MYO16: variants seen among roughly 807,000 people sequenced by gnomAD.
MYO16 encodes the protein unconventional myosin-XVI.
Under a neutral mutation model 205.3 loss-of-function variants are expected in MYO16, and 94 were observed. The observed-to-expected ratio is 0.46, with a 90% CI of 0.39 to 0.54. The LOEUF is 0.54. Among genes scored for constraint, MYO16 ranks in the 20% least tolerant of loss-of-function variants. MYO16 has a pLI of 0.00. For synonymous variants in MYO16, 988 were observed against 954.0 expected (o/e 1.04, Z -0.66); for missense variants, 2,315 against 2,387.5 (o/e 0.97, Z 0.63).
chr13:108,860,159 C>G (rs921139103), intron 11 of MYO16, among the ~76,000 whole-genome samples: 1 of 147,176 alleles, frequency 6.8e-6, no homozygotes, highest in African/African-American at 2.4e-5. Context: ...TCCTCTCCCC[C>G]ATTCCAGCCT....
At chr13:109,023,091 AAT>A (rs201446808) in intron 23 of MYO16, among the ~76,000 whole-genome samples, 2,190 of 132,756 alleles carry the variant, frequency 0.016, 63 homozygotes, top group African/African-American at 0.058. Context: ...TACACATGTA[AAT>A]ATGTTTATAT....
chr13:108,506,855 G>C, the MYO16 span, among the ~76,000 whole-genome samples: 1 of 151,996 alleles, frequency 6.6e-6, no homozygotes, highest in South Asian at 2.1e-4. Flanking sequence ...TTATGTTGAG[G>C]TAATTTCCTT....
the MYO16 span, among the ~76,000 whole-genome samples, chr13:108,503,259 G>T: frequency 6.6e-6 from 1 of 152,102 alleles, no homozygotes; most frequent in Non-Finnish European, 1.5e-5. Flanking sequence ...TGAATATGTG[G>T]AAAACCCCCC....
In MYO16 at chr13:108,799,537, C is replaced by A. The variant is rs527390041; in HGVS notation, c.741+5897C>A. Among the ~76,000 whole-genome samples, 11 of 152,244 alleles carry A rather than the reference C, an allele frequency of 7.2e-5. No homozygotes were observed. In the South Asian group the frequency reaches 2.1e-3, roughly 29 times the overall value. On this transcript the variant is annotated intron_variant, in intron 6 of 34. Transcript: ENST00000457511. ...GAACAGTGATATGAAAATGTCAGGA[C>A]TTTTATTGATGATGACATCACGGCT...
intron 9 of MYO16, among the ~76,000 whole-genome samples, chr13:108,827,411 A>G (rs952012417): frequency 1.3e-5 from 2 of 152,192 alleles, no homozygotes; most frequent in African/African-American, 4.8e-5. Context: ...AGTAAGGTTA[A>G]GGACATCACT....
intron 31 of MYO16, among the ~76,000 whole-genome samples, chr13:109,129,559 A>G (rs928885068): frequency 6.6e-6 from 1 of 152,148 alleles, no homozygotes; most frequent in Admixed American, 6.5e-5. Flanking sequence ...TCCTACTTTC[A>G]GGCCTCCATG....
intron 19 of MYO16, among the ~76,000 whole-genome samples, chr13:108,964,531 C>T (rs949318363): frequency 7.2e-5 from 11 of 152,166 alleles, no homozygotes; most frequent in Admixed American, 2.0e-4. Context: ...AAAGGTGGAA[C>T]GCTGTGGTCA....
intron 27 of MYO16, among the ~76,000 whole-genome samples, chr13:109,082,869 G>A (rs1888322823): frequency 6.6e-6 from 1 of 152,078 alleles, no homozygotes. Context: ...GCGGGTTCAA[G>A]GTACCTGTGA....
the MYO16 span, among the ~76,000 whole-genome samples, chr13:108,572,553 G>A: frequency 4.4e-4 from 67 of 152,218 alleles, no homozygotes; most frequent in African/African-American, 9.6e-5. Flanking sequence ...ATCTTATTTC[G>A]GTAGATCACA....
At chr13:108,966,380 G>T (rs996648644) in intron 20 of MYO16, among the ~76,000 whole-genome samples, 1 of 152,078 alleles carries the variant, frequency 6.6e-6, no homozygotes, top group Admixed American at 6.5e-5. Context: ...GAAACTTCTA[G>T]AAAATTTTCA....
intron 33 of MYO16, among the ~76,000 whole-genome samples, chr13:109,177,144 A>G (rs554013890): frequency 6.6e-6 from 1 of 152,222 alleles, no homozygotes; most frequent in Admixed American, 6.5e-5. Flanking sequence ...TCGAAGGCCC[A>G]GGTCCTTTAG....
intron 20 of MYO16, among the ~76,000 whole-genome samples, chr13:108,978,520 A>G (rs1205921694): frequency 6.6e-6 from 1 of 151,948 alleles, no homozygotes; most frequent in Non-Finnish European, 1.5e-5. Context: ...CTTGTGAGAC[A>G]TTGCATTGAT....
At position 109,100,884 on chromosome 13, in the gene MYO16, G is replaced by C; in HGVS notation, c.3435G>C (p.Trp1145Cys). Reference protein sequence around the residue: ...LVLQQCKLQGWQMGVRKVFLK... With the variant: ...LVLQQCKLQGCQMGVRKVFLK... The stretch of plus-strand genomic sequence containing the variant: ...TCCAGCAGTGTAAATTACAAGGCTG[G>C]CAGGTTGGTGACCTACAAGCTATGA... The change falls in exon 28 of 35, where the codon TGG becomes TGC. Residue 1145 changes from tryptophan to cysteine, a missense_variant. Coordinates refer to ENST00000457511, the MANE Select transcript of MYO16 (RefSeq NM_001198950.3). The C allele has an allele frequency of 6.2e-7, 1 of 1,611,832 alleles. No homozygotes were observed. The highest frequency in any genetic ancestry group is 8.5e-7 in the Non-Finnish European group (1 of 1,178,160).
intron 4 of MYO16, among the ~76,000 whole-genome samples, chr13:108,742,096 A>C (rs1343922484): frequency 1.3e-5 from 2 of 152,108 alleles, no homozygotes; most frequent in African/African-American, 4.8e-5. Context: ...GGGTACAAGC[A>C]ATTTTTGGGT....
chr13:108,582,931 G>A, the MYO16 span, among the ~76,000 whole-genome samples: 1 of 151,950 alleles, frequency 6.6e-6, no homozygotes, highest in African/African-American at 2.4e-5. Context: ...AGTTATGAAT[G>A]GAAAATCAAT....
intron 1 of MYO16, among the ~76,000 whole-genome samples, chr13:108,638,784 C>T (rs763946867): frequency 1.3e-5 from 2 of 152,070 alleles, no homozygotes; most frequent in Non-Finnish European, 2.9e-5. Flanking sequence ...AACGAATTTT[C>T]AATTTCCATC....
At chr13:108,753,510 G>A (rs191999853) in intron 4 of MYO16, among the ~76,000 whole-genome samples, 98 of 151,696 alleles carry the variant, frequency 6.5e-4, no homozygotes, top group African/African-American at 1.8e-3. Context: ...GACTCATTCC[G>A]TAACCAAAAA....
intron 1 of MYO16, among the ~76,000 whole-genome samples, chr13:108,651,096 T>C (rs1180064545): frequency 2.6e-5 from 4 of 152,190 alleles, no homozygotes; most frequent in African/African-American, 9.6e-5. Context: ...ACTGTGCAGT[T>C]GGTTCCCAGG....
chr13:109,205,426 G>A (rs995045354), intron 34 of MYO16, among the ~76,000 whole-genome samples: 1 of 152,150 alleles, frequency 6.6e-6, no homozygotes, highest in Admixed American at 6.6e-5. Context: ...ATAACCACTT[G>A]TGTTCTGTTT....
Sources: gnomAD v4.1 joint callset for allele counts (sites outside exome capture counted in the v4.1 genomes callset) on GRCh38, gnomAD v4.1.1 for gene constraint, MANE v1.5 for transcripts, NCBI Gene and HGNC (gene_info 2026-07-23, HGNC 2026-07-21) for gene names.